Variants in OXR1 observed in about 807,000 individuals in gnomAD.
OXR1 encodes the protein oxidation resistance protein 1.
Under a neutral mutation model 104.6 loss-of-function variants are expected in OXR1, and 41 were observed. That is an observed-to-expected ratio of 0.39 (90% CI 0.31 to 0.51). The LOEUF is 0.51. Among genes scored for constraint, OXR1 ranks in the 20% least tolerant of loss-of-function variants. The probability of loss-of-function intolerance (pLI) is 0.77; values close to 1 mark genes in which losing one functional copy is unlikely to be tolerated. For synonymous variants in OXR1, 348 were observed against 348.4 expected (o/e 1.00, Z 0.01); for missense variants, 955 against 1,031.9 (o/e 0.93, Z 1.02).
intron 2 of OXR1, among the ~76,000 whole-genome samples, chr8:106,434,754 A>G (rs1819503476): frequency 6.6e-6 from 1 of 151,992 alleles, no homozygotes; most frequent in Non-Finnish European, 1.5e-5. Context: ...TTAAAGTTGA[A>G]TGGATTCAGA....
At chr8:106,472,464 A>G (rs1298248943) in intron 2 of OXR1, among the ~76,000 whole-genome samples, 1 of 151,834 alleles carries the variant, frequency 6.6e-6, no homozygotes, top group East Asian at 1.9e-4. Context: ...ATAATCCTTT[A>G]CTTCAAATAC....
At chr8:106,463,547 G>C (rs935692925) in intron 2 of OXR1, among the ~76,000 whole-genome samples, 1 of 151,908 alleles carries the variant, frequency 6.6e-6, no homozygotes, top group Non-Finnish European at 1.5e-5. Context: ...TTCACCCCAA[G>C]ACCTAATTTT....
At chr8:106,395,260 T>A (rs553261953) in intron 2 of OXR1, among the ~76,000 whole-genome samples, 5 of 152,182 alleles carry the variant, frequency 3.3e-5, no homozygotes, top group African/African-American at 1.2e-4. Context: ...AATCCTGTGG[T>A]GTTGAATTAG....
chr8:106,397,976 G>A (rs945573446), intron 2 of OXR1, among the ~76,000 whole-genome samples: 3 of 152,062 alleles, frequency 2.0e-5, no homozygotes, highest in African/African-American at 7.2e-5. Flanking sequence ...GCAGTTTGCT[G>A]GCAATCTCTG....
intron 2 of OXR1, among the ~76,000 whole-genome samples, chr8:106,510,067 C>T (rs541289205): frequency 5.9e-5 from 9 of 152,190 alleles, no homozygotes; most frequent in African/African-American, 2.2e-4. Flanking sequence ...CCACTGCACC[C>T]AGCCCCAACA....
At chr8:106,546,632 G>A (rs1394685684) in intron 3 of OXR1, among the ~76,000 whole-genome samples, 1 of 152,194 alleles carries the variant, frequency 6.6e-6, no homozygotes, top group African/African-American at 2.4e-5. Context: ...AAGAAAAAAG[G>A]AGCAGTTAGG....
At chr8:106,298,467 A>T (rs1813097290) in intron 1 of OXR1, among the ~76,000 whole-genome samples, 1 of 152,134 alleles carries the variant, frequency 6.6e-6, no homozygotes, top group Non-Finnish European at 1.5e-5. Context: ...ACATGTGGGG[A>T]TTATGGGAGC....
intron 2 of OXR1, among the ~76,000 whole-genome samples, chr8:106,512,464 T>G (rs189005814): frequency 0.024 from 3,599 of 152,234 alleles, 150 homozygotes; most frequent in African/African-American, 0.083. Context: ...GATCTGTTTT[T>G]TTTTCCAGAC....
chr8:106,535,128 A>G (rs749182598), intron 3 of OXR1, among the ~76,000 whole-genome samples: 5 of 151,884 alleles, frequency 3.3e-5, no homozygotes, highest in Non-Finnish European at 7.4e-5. Context: ...ACACCCGGCT[A>G]ATTTTTTTGT....
intron 2 of OXR1, among the ~76,000 whole-genome samples, chr8:106,369,064 T>C (rs1484691014): frequency 5.3e-5 from 8 of 152,212 alleles, no homozygotes; most frequent in African/African-American, 1.9e-4. Context: ...CCAGCATCTA[T>C]GGTTTCCTGA....
At chr8:106,671,815 T>C (rs1176112940) in intron 3 of OXR1, among the ~76,000 whole-genome samples, 3 of 97,244 alleles carry the variant, frequency 3.1e-5, no homozygotes, top group Admixed American at 1.4e-4. Context: ...CCAGGGCCTG[T>C]CGTGGGGTGG....
intron 1 of OXR1, among the ~76,000 whole-genome samples, chr8:106,338,607 T>C (rs985826829): frequency 1.3e-5 from 2 of 151,906 alleles, no homozygotes; most frequent in African/African-American, 2.4e-5. Context: ...CAATCCATTT[T>C]TTCCTTATTC....
chr8:106,426,172 C>T (rs1586631421), intron 2 of OXR1, among the ~76,000 whole-genome samples: 1 of 152,096 alleles, frequency 6.6e-6, no homozygotes, highest in Non-Finnish European at 1.5e-5. Context: ...AATATTTCCC[C>T]CTCTGACCTA....
chr8:106,332,351 A>G (rs1025649490), intron 1 of OXR1, among the ~76,000 whole-genome samples: 1 of 152,166 alleles, frequency 6.6e-6, no homozygotes, highest in Non-Finnish European at 1.5e-5. Context: ...CTTGTTATGT[A>G]TATTTAAGAA....
chr8:106,454,120 A>C (rs1449136733), intron 2 of OXR1, among the ~76,000 whole-genome samples: 1 of 152,222 alleles, frequency 6.6e-6, no homozygotes, highest in African/African-American at 2.4e-5. Context: ...TTTGACCTTT[A>C]TGAATCTCTT....
intron 1 of OXR1, among the ~76,000 whole-genome samples, chr8:106,282,144 A>G (rs186713133): frequency 5.1e-4 from 77 of 152,316 alleles, no homozygotes; most frequent in African/African-American, 1.3e-3. Flanking sequence ...GCTCACTGAC[A>G]TGGATAGAAT....
intron 2 of OXR1, among the ~76,000 whole-genome samples, chr8:106,396,596 T>TTG (rs1817792772): frequency 6.6e-6 from 1 of 152,066 alleles, no homozygotes; most frequent in Non-Finnish European, 1.5e-5. Flanking sequence ...GACAACTAAA[T>TTG]GCAGTATGGT....
chr8:106,610,989 C>T (rs928624087), intron 3 of OXR1, among the ~76,000 whole-genome samples: 6 of 152,094 alleles, frequency 3.9e-5, no homozygotes, highest in African/African-American at 9.7e-5. Flanking sequence ...TACAGTGTTC[C>T]AGACACTATT....
At chr8:106,704,037 T>C (rs1026240424) in intron 8 of OXR1, among the ~76,000 whole-genome samples, 5 of 152,158 alleles carry the variant, frequency 3.3e-5, no homozygotes, top group Admixed American at 2.6e-4. Flanking sequence ...ACTAAATGAA[T>C]TGGTAGAATA....
Sources: gnomAD v4.1 joint callset for allele counts (sites outside exome capture counted in the v4.1 genomes callset) on GRCh38, gnomAD v4.1.1 for gene constraint, MANE v1.5 for transcripts, NCBI Gene and HGNC (gene_info 2026-07-23, HGNC 2026-07-21) for gene names.